Variants in CEP63 observed in about 807,000 individuals in gnomAD.
CEP63 encodes the protein centrosomal protein 63, also known as centrosomal protein of 63 kDa.
Under a neutral mutation model 89.1 loss-of-function variants are expected in CEP63, and 84 were observed. That is an observed-to-expected ratio of 0.94 (90% CI 0.79 to 1.13). The LOEUF is 1.13. CEP63 is among the 50% of genes most tolerant of loss of function. The pLI, the probability that CEP63 is intolerant of heterozygous loss-of-function variation, is 0.00. For synonymous variants in CEP63, 267 were observed against 272.5 expected (o/e 0.98, Z 0.20); for missense variants, 838 against 813.3 (o/e 1.03, Z -0.37).
At chr3:134,675,909 T>C in the CEP63 span, among the ~76,000 whole-genome samples, 1 of 152,186 alleles carries the variant, frequency 6.6e-6, no homozygotes, top group Non-Finnish European at 1.5e-5. Flanking sequence ...GCAGAGAAAT[T>C]TGATCCCTCA....
chr3:134,578,149 C>G (rs1453592082), downstream of CEP63, among the ~76,000 whole-genome samples: 1 of 152,018 alleles, frequency 6.6e-6, no homozygotes, highest in Non-Finnish European at 1.5e-5. Context: ...AATGGGATTG[C>G]TAGGTCAAAT....
At chr3:134,774,557 T>C in the CEP63 span, among the ~76,000 whole-genome samples, 2 of 152,200 alleles carry the variant, frequency 1.3e-5, no homozygotes, top group African/African-American at 4.8e-5. Context: ...GAAAGACTTT[T>C]AGGAATAGAA....
the CEP63 span, among the ~76,000 whole-genome samples, chr3:134,720,494 T>C: frequency 6.6e-6 from 1 of 152,168 alleles, no homozygotes; most frequent in Non-Finnish European, 1.5e-5. Flanking sequence ...GTTTTTTCCT[T>C]TGCTGCTTGT....
At chr3:134,495,252 G>T in intron 1 of CEP63, 44 bp from the exon 2 acceptor site, 1 of 1,328,416 alleles carries the variant, frequency 7.5e-7, no homozygotes, top group South Asian at 1.2e-5. Flanking sequence ...TGTTAGAACT[G>T]AAGAAATGAA....
At chr3:134,579,367 T>C (rs1335236545), downstream of CEP63, among the ~76,000 whole-genome samples, 1 of 152,238 alleles carries the variant, frequency 6.6e-6, no homozygotes, top group Non-Finnish European at 1.5e-5. Flanking sequence ...CCAAGCTGTT[T>C]TCCAAAGTGG....
rs908199064 is a variant in CEP63 at position 134,564,624 on chromosome 3, T to C, written c.*3089T>C. 3.0e-6 allele frequency: 3 copies of C among 985,342 alleles called. No homozygotes were observed. Among genetic ancestry groups the C allele is most frequent in the African/African-American group, 1.7e-5 (1 of 57,254 alleles). The allele number at this position is 985,342 out of a possible 1,614,324, so 61.0% of individuals were successfully genotyped here. A position where few individuals can be genotyped will look rare whatever the true frequency, so the allele number is the denominator to read the frequency against. ...GCTTCATTGTATTTATCAGTAAAAC[T>C]GAAATAATATCTAATGGGGTCGAGA... On this transcript the variant is annotated 3_prime_UTR_variant, in exon 15 of 15. Coordinates refer to ENST00000675561, the MANE Select transcript of CEP63 (RefSeq NM_001353108.3).
At chr3:134,535,864 C>T (rs563727440) in intron 5 of CEP63, 1 of 152,312 alleles carries the variant, frequency 6.6e-6, no homozygotes, top group South Asian at 2.1e-4. Flanking sequence ...AATTATATCA[C>T]TTCCTATACA....
At chr3:134,646,211 G>A in the CEP63 span, among the ~76,000 whole-genome samples, 11 of 152,266 alleles carry the variant, frequency 7.2e-5, no homozygotes, top group Admixed American at 2.0e-4. Context: ...TAGCTTTGGC[G>A]TCTACTTCAG....
At chr3:134,542,747 C>G (rs1396751255) in intron 6 of CEP63, among the ~76,000 whole-genome samples, 2 of 152,182 alleles carry the variant, frequency 1.3e-5, no homozygotes, top group African/African-American at 4.8e-5. Flanking sequence ...CACACTTTAG[C>G]TGGCCACACT....
At chr3:134,577,969 T>A (rs552279194), downstream of CEP63, among the ~76,000 whole-genome samples, 6 of 152,336 alleles carry the variant, frequency 3.9e-5, no homozygotes, top group East Asian at 1.2e-3. Context: ...TTTTCATGGC[T>A]GCATAGTATT....
At chr3:134,644,498 C>A in the CEP63 span, among the ~76,000 whole-genome samples, 17,809 of 152,154 alleles carry the variant, frequency 0.12, 1,147 homozygotes, top group Middle Eastern at 0.19. Flanking sequence ...GAAGGCTGGG[C>A]AAGGGGAGGA....
chr3:134,497,732 T>C (rs968122479), intron 2 of CEP63, among the ~76,000 whole-genome samples: 16 of 152,098 alleles, frequency 1.1e-4, no homozygotes, highest in African/African-American at 3.6e-4. Flanking sequence ...TAGTCCATTT[T>C]GAGTTGATTT....
the CEP63 span, among the ~76,000 whole-genome samples, chr3:134,703,613 A>T: frequency 6.6e-6 from 1 of 151,592 alleles, no homozygotes; most frequent in African/African-American, 2.4e-5. Context: ...AACAGTACAC[A>T]CGGGGGCCTG....
chr3:134,698,113 G>A, the CEP63 span, among the ~76,000 whole-genome samples: 4 of 152,172 alleles, frequency 2.6e-5, no homozygotes, highest in South Asian at 8.3e-4. Flanking sequence ...GACACCCCAC[G>A]GCACAGCATG....
intron 1 of CEP63, among the ~76,000 whole-genome samples, chr3:134,487,568 C>G (rs777414265): frequency 1.3e-5 from 2 of 152,156 alleles, no homozygotes; most frequent in Non-Finnish European, 2.9e-5. Flanking sequence ...TTCCTGCTTT[C>G]AAAAAATGTC....
rs1400950444 is a variant in CEP63, at chr3:134,505,895, T to A, written c.45-1214T>A. Among the ~76,000 whole-genome samples the A allele has an allele frequency of 2.6e-5, 4 of 152,310 alleles. No individual in the cohort carries two copies. The East Asian group carries it at 7.7e-4, about 29-fold the overall frequency. On this transcript the variant is annotated intron_variant, in intron 2 of 14. Coordinates refer to ENST00000675561, the MANE Select transcript of CEP63 (RefSeq NM_001353108.3). The stretch of plus-strand genomic sequence containing the variant: ...TTAAAAAACTTATCTGAGTTGTGCC[T>A]CTGACCATATTGTGCTTTGGGTACA...
At chr3:134,489,500 T>C (rs953247242) in intron 1 of CEP63, among the ~76,000 whole-genome samples, 45 of 152,308 alleles carry the variant, frequency 3.0e-4, no homozygotes, top group African/African-American at 9.9e-4. Context: ...ATATTGGGTT[T>C]AGGTGTAGTT....
At chr3:134,703,295 C>CAA in the CEP63 span, among the ~76,000 whole-genome samples, 8 of 77,604 alleles carry the variant, frequency 1.0e-4, no homozygotes, top group African/African-American at 2.3e-4. Context: ...GACTCCGTCT[C>CAA]AAAAAAAAAA....
At chr3:134,554,576 T>G (rs541760007) in intron 12 of CEP63, among the ~76,000 whole-genome samples, 7 of 149,850 alleles carry the variant, frequency 4.7e-5, no homozygotes, top group African/African-American at 1.7e-4. Context: ...CAGCATGATT[T>G]ATAGTCCTTT....
Sources: gnomAD v4.1 joint callset for allele counts (sites outside exome capture counted in the v4.1 genomes callset) on GRCh38, gnomAD v4.1.1 for gene constraint, MANE v1.5 for transcripts, NCBI Gene and HGNC (gene_info 2026-07-23, HGNC 2026-07-21) for gene names.